PTPRO: variants seen among roughly 807,000 people sequenced by gnomAD.
The protein encoded by PTPRO is protein tyrosine phosphatase receptor type O.
PTPRO carries 62 observed loss-of-function variants against 145.2 expected under a neutral mutation model. The ratio of observed to expected loss-of-function variants is 0.43; its 90% CI spans 0.35 to 0.53. The LOEUF is 0.53. Ranked by LOEUF, PTPRO falls within the 20% of genes least tolerant of loss-of-function variation. The pLI is 0.01. For missense variants in PTPRO, 1,345 were observed against 1,482.7 expected, an observed-to-expected ratio of 0.91 and a Z score of 1.53; for synonymous variants, 565 against 514.7, an observed-to-expected ratio of 1.10 and a Z score of -1.32.
At chr12:15,522,707 T>C (rs1416850890) in intron 10 of PTPRO, among the ~76,000 whole-genome samples, 2 of 152,194 alleles carry the variant, frequency 1.3e-5, no homozygotes, top group Non-Finnish European at 2.9e-5. Flanking sequence ...TGTTAGGCAA[T>C]TCAGTTGGCT....
intron 12 of PTPRO, among the ~76,000 whole-genome samples, chr12:15,534,326 C>T (rs1305542334): frequency 6.6e-6 from 1 of 152,118 alleles, no homozygotes; most frequent in Admixed American, 6.6e-5. Context: ...AGGAATGAGA[C>T]GTGTTGGACA....
intron 1 of PTPRO, chr12:15,348,347 C>G (rs1039401307): frequency 6.6e-6 from 1 of 152,242 alleles, no homozygotes; most frequent in Non-Finnish European, 1.5e-5. Flanking sequence ...CCAAGGTATG[C>G]AGGCAGTCTC....
chr12:15,324,910 T>A (rs566237599), intron 1 of PTPRO, among the ~76,000 whole-genome samples: 20 of 152,300 alleles, frequency 1.3e-4, no homozygotes, highest in African/African-American at 4.8e-4. Flanking sequence ...TATAATCTCT[T>A]TATAATTTGG....
At chr12:15,396,085 A>C (rs571102173) in intron 1 of PTPRO, among the ~76,000 whole-genome samples, 3 of 152,340 alleles carry the variant, frequency 2.0e-5, no homozygotes, top group African/African-American at 7.2e-5. Flanking sequence ...AGAAGATCCC[A>C]TATTCTATAG....
intron 12 of PTPRO, among the ~76,000 whole-genome samples, chr12:15,526,652 A>G (rs1475616385): frequency 1.3e-5 from 2 of 152,178 alleles, no homozygotes; most frequent in Admixed American, 6.5e-5. Context: ...AAAAATCTAC[A>G]TATTGATTTT....
At chr12:15,428,653 A>G (rs1163313060) in intron 1 of PTPRO, among the ~76,000 whole-genome samples, 3 of 152,208 alleles carry the variant, frequency 2.0e-5, no homozygotes, top group Non-Finnish European at 4.4e-5. Context: ...CAGAAAACAC[A>G]AAATATTACT....
chr12:15,356,177 C>T (rs1278451227), intron 1 of PTPRO, among the ~76,000 whole-genome samples: 1 of 152,044 alleles, frequency 6.6e-6, no homozygotes, highest in Admixed American at 6.6e-5. Context: ...TAAATATAAT[C>T]CTGCAACATA....
At chr12:15,595,807 G>A (rs146417476) in intron 26 of PTPRO, 6 of 152,772 alleles carry the variant, frequency 3.9e-5, no homozygotes, top group African/African-American at 1.4e-4. Flanking sequence ...TGGACCAGTG[G>A]GAAGGATAGG....
At chr12:15,343,976 G>A (rs1045138702) in intron 1 of PTPRO, among the ~76,000 whole-genome samples, 1 of 152,270 alleles carries the variant, frequency 6.6e-6, no homozygotes, top group South Asian at 2.1e-4. Flanking sequence ...GAGCCACCGC[G>A]CCCGGCCATA....
intron 1 of PTPRO, among the ~76,000 whole-genome samples, chr12:15,433,361 T>C (rs1940503560): frequency 6.6e-6 from 1 of 152,064 alleles, no homozygotes; most frequent in East Asian, 1.9e-4. Context: ...ATTTGTATTT[T>C]TTTAGTAGAG....
intron 1 of PTPRO, among the ~76,000 whole-genome samples, chr12:15,408,703 C>T (rs1457409134): frequency 6.6e-6 from 1 of 152,200 alleles, no homozygotes; most frequent in Non-Finnish European, 1.5e-5. Flanking sequence ...GCTGGGATTA[C>T]AGGCGTGAGC....
chr12:15,407,782 T>C (rs748751493), intron 1 of PTPRO, among the ~76,000 whole-genome samples: 1 of 152,214 alleles, frequency 6.6e-6, no homozygotes, highest in Non-Finnish European at 1.5e-5. Flanking sequence ...AGCATACAGA[T>C]GACTATTTCT....
intron 1 of PTPRO, among the ~76,000 whole-genome samples, chr12:15,402,394 A>T (rs1226718567): frequency 1.3e-5 from 2 of 152,116 alleles, no homozygotes. Flanking sequence ...TTCAAGAAAA[A>T]AAAAAAAGAA....
At chr12:15,583,061 TC>T (rs1944354408) in intron 23 of PTPRO, among the ~76,000 whole-genome samples, 2 of 152,208 alleles carry the variant, frequency 1.3e-5, no homozygotes, top group African/African-American at 4.8e-5. Context: ...GAGATGTTCT[TC>T]CCTGCTTAGA....
intron 1 of PTPRO, among the ~76,000 whole-genome samples, chr12:15,462,775 T>G (rs527866078): frequency 9.2e-5 from 14 of 152,204 alleles, no homozygotes; most frequent in Non-Finnish European, 1.8e-4. Context: ...TAATGTATGC[T>G]AGCTATTACA....
At chr12:15,565,709 A>C (rs1943881515) in intron 18 of PTPRO, 81 bp downstream of exon 18, 1 of 1,053,822 alleles carries the variant, frequency 9.5e-7, no homozygotes, top group Non-Finnish European at 1.5e-6. Flanking sequence ...GCTTGTCTTC[A>C]AAGAGAAGGG....
rs1204002553 is a variant in PTPRO, at chr12:15,581,681, G to A, written c.3135G>A (p.Val1045=). The part of the protein sequence containing the change: ...MLTQCNEKRR[V]KCDHYWPFTE... The stretch of plus-strand genomic sequence containing the variant: ...AAATTGTTTTGTCCTTGCTCCAGGT[G>A]AAATGTGACCATTACTGGCCATTCA... Residue 1045 remains valine, a splice_region_variant and synonymous_variant, in exon 23 of 27, where the codon GTG becomes GTA. Coordinates refer to ENST00000281171, the MANE Select transcript of PTPRO (RefSeq NM_030667.3). The A allele has an allele frequency of 2.5e-6, 4 of 1,613,798 alleles. No homozygotes were observed. The highest frequency in any genetic ancestry group is 2.7e-5 in the African/African-American group (2 of 74,914).
At chr12:15,585,917 T>C (rs1279958323) in intron 23 of PTPRO, among the ~76,000 whole-genome samples, 1 of 152,168 alleles carries the variant, frequency 6.6e-6, no homozygotes, top group African/African-American at 2.4e-5. Flanking sequence ...AACAACAATA[T>C]ATTTGATGTA....
At chr12:15,329,592 C>G (rs2136197704) in intron 1 of PTPRO, among the ~76,000 whole-genome samples, 1 of 152,258 alleles carries the variant, frequency 6.6e-6, no homozygotes, top group African/African-American at 2.4e-5. Context: ...TCAATACTGT[C>G]TTTTGTATTC....
Sources: gnomAD v4.1 joint callset for allele counts (sites outside exome capture counted in the v4.1 genomes callset) on GRCh38, gnomAD v4.1.1 for gene constraint, MANE v1.5 for transcripts, NCBI Gene and HGNC (gene_info 2026-07-23, HGNC 2026-07-21) for gene names.